The following DAZAP2 variants were observed in gnomAD, a reference collection of about 807,000 sequenced individuals.
The protein encoded by DAZAP2 is DAZ-associated protein 2.
DAZAP2 carries 3 observed loss-of-function variants against 16.2 expected under a neutral mutation model. The ratio of observed to expected loss-of-function variants is 0.19; its 90% CI spans 0.08 to 0.48. The LOEUF is 0.48. DAZAP2 is among the 20% of genes least tolerant of loss of function. The probability of loss-of-function intolerance (pLI) is 0.98; values close to 1 mark genes in which losing one functional copy is unlikely to be tolerated. For missense variants in DAZAP2, 172 were observed against 215.9 expected, an observed-to-expected ratio of 0.80 and a Z score of 1.27; for synonymous variants, 69 against 77.6, an observed-to-expected ratio of 0.89 and a Z score of 0.58.
chr12:51,243,468 A>G lies in DAZAP2; in HGVS notation c.*1010A>G, dbSNP rs921585425. ...TCCTAGACTGGGTTAATAGGGTCATATTGTGAATGTCTCACTACAAAATGA... is the reference window on the plus strand; with the variant it reads ...TCCTAGACTGGGTTAATAGGGTCATGTTGTGAATGTCTCACTACAAAATGA... On this transcript the variant is annotated 3_prime_UTR_variant, in exon 4 of 4. Coordinates refer to ENST00000412716, the MANE Select transcript of DAZAP2 (RefSeq NM_014764.4). The G allele has an allele frequency of 1.7e-5, 17 of 985,712 alleles. No homozygotes were observed. The African/African-American group carries it at 2.6e-4, about 15-fold the overall frequency. 61.1% of individuals were successfully genotyped at this position (985,712 alleles called of 1,614,324 possible).
rs201854240 is a variant in DAZAP2 at position 51,242,481 on chromosome 12, C to T, written c.*23C>T. 77 of 1,613,746 alleles carry T rather than the reference C, an allele frequency of 4.8e-5. No individual in the cohort carries two copies. Among genetic ancestry groups the T allele is most frequent in the South Asian group, 9.9e-5 (9 of 91,064 alleles). Reference sequence around the variant, plus strand: ...TGAGGAACCAAGGCCACCTCTGTGCCGGGAAAGACATCACATACCTTCAGC... The same window carrying T: ...TGAGGAACCAAGGCCACCTCTGTGCTGGGAAAGACATCACATACCTTCAGC... On this transcript the variant is annotated 3_prime_UTR_variant, in exon 4 of 4. Transcript: ENST00000412716.
chr12:51,241,205 A>T, intron 3 of DAZAP2, 89 bp downstream of exon 3: 1 of 1,547,012 alleles, frequency 6.5e-7, no homozygotes, highest in Non-Finnish European at 8.7e-7. Context: ...CCATTTCTGG[A>T]TGATAGTTGC....
chr12:51,240,005 A>T, intron 1 of DAZAP2: 1 of 293,100 alleles, frequency 3.4e-6, no homozygotes, highest in Non-Finnish European at 6.6e-6. Context: ...CCTAGAGCAG[A>T]GGCACCCTTG....
chr12:51,241,196 C>A, intron 3 of DAZAP2, 80 bp downstream of exon 3: 1 of 1,559,136 alleles, frequency 6.4e-7, no homozygotes. Flanking sequence ...ATTCTCTTAC[C>A]ATTTCTGGAT....
Position 51,243,617 on chromosome 12 carries a change from G to A in DAZAP2, c.*1159G>A. ...CTTATAATTTCAGTTCATCTAAATT[G>A]TGTGTTCTGTACATGTGATGTTTGA... On this transcript the variant is annotated 3_prime_UTR_variant, in exon 4 of 4. Transcript: ENST00000412716. 1.0e-6 allele frequency: 1 copy of A among 985,630 alleles called. No individual in the cohort carries two copies. The highest frequency in any genetic ancestry group is 1.2e-6 in the Non-Finnish European group (1 of 829,828). 61.1% of individuals were successfully genotyped at this position (985,630 alleles called of 1,614,324 possible).
Position 51,243,745 on chromosome 12 carries a change from CTA to C in DAZAP2, c.*1289_*1290del, listed in dbSNP as rs1403889624. The C allele has an allele frequency of 1.9e-5, 19 of 985,480 alleles. No homozygotes were observed. Among genetic ancestry groups the C allele is most frequent in the Non-Finnish European group, 2.0e-5 (17 of 829,744 alleles). 61.0% of individuals were successfully genotyped at this position (985,480 alleles called of 1,614,324 possible). On this transcript the variant is annotated 3_prime_UTR_variant, in exon 4 of 4. Coordinates refer to ENST00000412716, the MANE Select transcript of DAZAP2 (RefSeq NM_014764.4). ...TTATACTAAAAATGTAGAATAAAGA[CTA>C]TTTTGAAGATTTGAATAAAGTGATG...
downstream of DAZAP2, chr12:51,246,200 ACT>A: frequency 3.2e-6 from 5 of 1,545,184 alleles, no homozygotes; most frequent in Non-Finnish European, 4.4e-6. Flanking sequence ...TGATTTAGTC[ACT>A]GTTTTCGTAA....
Position 51,240,299 on chromosome 12 carries a change from A to C in DAZAP2, c.14-44A>C, listed in dbSNP as rs770172403. ...CCGATATGACCTGCCTCATTTTGGT[A>C]GCTCTGTGTAGTAGGCAACCTTCAT... is the stretch of plus-strand genomic sequence containing the variant. On this transcript the variant is annotated intron_variant, in intron 1 of 3. Transcript: ENST00000412716. The C allele has an allele frequency of 1.1e-5, 16 of 1,504,338 alleles. No individual in the cohort carries two copies. In the South Asian group the frequency reaches 1.8e-4, roughly 17 times the overall value. The allele number at this position is 1,504,338 out of a possible 1,614,324, so 93.2% of individuals were successfully genotyped here. A position where few individuals can be genotyped will look rare whatever the true frequency, so the allele number is the denominator to read the frequency against.
At chr12:51,245,240 T>G (rs558851900), downstream of DAZAP2, 3 of 152,192 alleles carry the variant, frequency 2.0e-5, no homozygotes, top group South Asian at 6.2e-4. Flanking sequence ...AGGGTTCTTA[T>G]TGCTTGGAAG....
downstream of DAZAP2, chr12:51,245,680 G>A (rs1357488696): frequency 2.3e-5 from 10 of 439,580 alleles, no homozygotes; most frequent in East Asian, 3.6e-4. Context: ...GATGTCCCCT[G>A]GCATAGCCAC....
chr12:51,245,871 CT>C, downstream of DAZAP2: 1 of 1,520,254 alleles, frequency 6.6e-7, no homozygotes, highest in South Asian at 1.3e-5. Flanking sequence ...TCAGAGAAAA[CT>C]TTCCCATAAT....
At chr12:51,244,604 T>C (rs1944739672), downstream of DAZAP2, 1 of 152,140 alleles carries the variant, frequency 6.6e-6, no homozygotes, top group African/African-American at 2.4e-5. Flanking sequence ...GTGAACAATA[T>C]CTGATGAGCT....
intron 1 of DAZAP2, chr12:51,240,045 C>G: frequency 2.5e-6 from 1 of 395,556 alleles, no homozygotes. Context: ...GGCCAGAACC[C>G]CAGACCTGTC....
rs1252488156 is a variant in DAZAP2 at position 51,242,690 on chromosome 12, G to C, written c.*232G>C. ...TAGGGGAGGTATCCATTCATAAAATGAATGTGGGTGAAGCCGCCCTAAGGA... is the reference window on the plus strand; with the variant it reads ...TAGGGGAGGTATCCATTCATAAAATCAATGTGGGTGAAGCCGCCCTAAGGA... On this transcript the variant is annotated 3_prime_UTR_variant, in exon 4 of 4. Transcript: ENST00000412716. The C allele has an allele frequency of 2.0e-5, 30 of 1,502,370 alleles. No individual in the cohort carries two copies. Among genetic ancestry groups the C allele is most frequent in the Non-Finnish European group, 2.5e-5 (28 of 1,125,184 alleles). 93.1% of individuals were successfully genotyped at this position (1,502,370 alleles called of 1,614,324 possible).
Position 51,241,568 on chromosome 12 carries a change from AGTGCGTGGGAT to A in DAZAP2, c.378+453_378+463del, listed in dbSNP as rs1243758876. Among the ~76,000 whole-genome samples the A allele has an allele frequency of 3.7e-3, 565 of 152,314 alleles. 3 individuals are homozygous for A. The highest frequency in any genetic ancestry group is 0.013 in the African/African-American group (528 of 41,570). On this transcript the variant is annotated intron_variant, in intron 3 of 3. Transcript: ENST00000412716. Reference sequence around the variant, plus strand: ...ATCATTTTTTCCTACTTAATTCCCCAGTGCGTGGGATTTAGAGCTCAAATGACTGCTCAGTA... The same window carrying A: ...ATCATTTTTTCCTACTTAATTCCCCATTAGAGCTCAAATGACTGCTCAGTA...
chr12:51,244,137 T>C (rs1031289059), downstream of DAZAP2, among the ~76,000 whole-genome samples: 2 of 152,226 alleles, frequency 1.3e-5, no homozygotes, highest in African/African-American at 4.8e-5. Context: ...GTTTCTCCAA[T>C]GTTCTATGTG....
chr12:51,241,191 CT>C (rs1944669872), intron 3 of DAZAP2, 75 bp downstream of exon 3: 2 of 1,563,006 alleles, frequency 1.3e-6, no homozygotes, highest in Non-Finnish European at 1.7e-6. Flanking sequence ...TATTCATTCT[CT>C]TACCATTTCT....
At position 51,240,646 on chromosome 12, in the gene DAZAP2, T is replaced by G. The variant is rs1256070052; in HGVS notation, c.132+185T>G. 1.4e-5 allele frequency: 12 copies of G among 847,512 alleles called. 1 individual carries two copies. The African/African-American group carries it at 1.9e-4, about 13-fold the overall frequency. 52.5% of individuals were successfully genotyped at this position (847,512 alleles called of 1,614,324 possible). On this transcript the variant is annotated intron_variant, in intron 2 of 3. Coordinates refer to ENST00000412716, the MANE Select transcript of DAZAP2 (RefSeq NM_014764.4). ...GCATTATTTGATGATTTTGTGTTAT[T>G]TGGCACAGGCTAAGGTGCAGAAGAT...
At chr12:51,242,307 T>C in intron 3 of DAZAP2, 23 bp from the exon 4 acceptor site, 1 of 1,561,182 alleles carries the variant, frequency 6.4e-7, no homozygotes, top group Non-Finnish European at 8.7e-7. Context: ...CTGTGCCCAT[T>C]CTATCATGTC....
Sources: allele counts gnomAD v4.1 joint callset (sites outside exome capture counted in the v4.1 genomes callset), GRCh38; gene constraint gnomAD v4.1.1; transcripts MANE v1.5; gene names NCBI Gene and HGNC (gene_info 2026-07-23, HGNC 2026-07-21).